Variants in MT1F observed in about 807,000 individuals in gnomAD.
The protein encoded by MT1F is metallothionein 1F, also known as metallothionein-1F.
In MT1F, 6 loss-of-function variants were observed where a neutral mutation model predicts 5.4. The observed-to-expected ratio is 1.11, with a 90% CI of 0.61 to 2.19. MT1F has a LOEUF of 2.19. Among genes scored for constraint, MT1F ranks in the 30% most tolerant of loss-of-function variants. The pLI, the probability that MT1F is intolerant of heterozygous loss-of-function variation, is 0.00. For synonymous variants in MT1F, 28 were observed against 28.3 expected (o/e 0.99, Z 0.04); for missense variants, 82 against 77.0 (o/e 1.07, Z -0.24).
rs764665210 is a variant in MT1F at position 56,658,096 on chromosome 16, G to A, written c.28+10G>A. Reference sequence around the variant, plus strand: ...TGCTCCTGCGCCGCTGGTAAGGAACGCCGGGTTCCGTGCCTGGGGATGCTC... The same window carrying A: ...TGCTCCTGCGCCGCTGGTAAGGAACACCGGGTTCCGTGCCTGGGGATGCTC... On this transcript the variant is annotated intron_variant, in intron 1 of 2. Coordinates refer to ENST00000334350, the MANE Select transcript of MT1F (RefSeq NM_005949.4). 2.5e-6 allele frequency: 4 copies of A among 1,613,958 alleles called. No individual in the cohort carries two copies. In the African/African-American group the frequency reaches 5.3e-5, roughly 22 times the overall value.
rs1453535188 is a variant in MT1F, at chr16:56,658,553, G to C, written c.29-122G>C. On this transcript the variant is annotated intron_variant, in intron 1 of 2. Transcript: ENST00000334350. ...GGGCTTCTCTTCCTCTGCTCTGAGT[G>C]GGAAAGGAGCTCTGAGGGCTGGCCC... is the stretch of plus-strand genomic sequence containing the variant. 4.1e-6 allele frequency: 4 copies of C among 982,988 alleles called. No individual in the cohort carries two copies. In the East Asian group the frequency reaches 9.9e-5, roughly 24 times the overall value. The allele number at this position is 982,988 out of a possible 1,614,324, so 60.9% of individuals were successfully genotyped here.
chr16:56,658,945 C>G, intron 2 of MT1F, 128 bp from the exon 3 acceptor site: 1 of 1,069,402 alleles, frequency 9.4e-7, no homozygotes, highest in Non-Finnish European at 1.4e-6. Flanking sequence ...CCAGTTGTCT[C>G]CTGACAAAGC....
At chr16:56,658,898 G>T (rs1960656547) in intron 2 of MT1F, 158 bp downstream of exon 2, 1 of 1,140,116 alleles carries the variant, frequency 8.8e-7, no homozygotes, top group South Asian at 1.3e-5. Context: ...GGGCGCCTGG[G>T]CAGCTTTCTC....
At position 56,658,849 on chromosome 16, in the gene MT1F, G is replaced by A. The variant is rs752491870; in HGVS notation, c.94+109G>A. 40 of 1,419,562 alleles carry A rather than the reference G, an allele frequency of 2.8e-5. No individual in the cohort carries two copies. In the East Asian group the frequency reaches 3.2e-4, roughly 11 times the overall value. The allele number at this position is 1,419,562 out of a possible 1,614,324, so 87.9% of individuals were successfully genotyped here. A position where few individuals can be genotyped will look rare whatever the true frequency, so the allele number is the denominator to read the frequency against. On this transcript the variant is annotated intron_variant, in intron 2 of 2. Transcript: ENST00000334350. ...GGGGAACTGGCCTTCCTTTGTCCCC[G>A]TAGGTTGTCACTGCCTTTCTAGTCT...
chr16:56,659,238 T>C lies in MT1F; in HGVS notation c.*74T>C, dbSNP rs1960663129. 2 of 1,402,296 alleles carry C rather than the reference T, an allele frequency of 1.4e-6. No homozygotes were observed. The highest frequency in any genetic ancestry group is 2.0e-6 in the Non-Finnish European group (2 of 996,258). 86.9% of individuals were successfully genotyped at this position (1,402,296 alleles called of 1,614,324 possible). On this transcript the variant is annotated 3_prime_UTR_variant, in exon 3 of 3. Coordinates refer to ENST00000334350, the MANE Select transcript of MT1F (RefSeq NM_005949.4). ...CCTGGATTTTTTTTTTATACCACCT[T>C]GACCCATTTGCTACATTCCTTTTCC...
chr16:56,658,849 G>C, intron 2 of MT1F, 109 bp downstream of exon 2: 1 of 1,419,682 alleles, frequency 7.0e-7, no homozygotes, highest in South Asian at 1.2e-5. Context: ...CTTTGTCCCC[G>C]TAGGTTGTCA....
At chr16:56,658,182 A>G (rs1256311379) in intron 1 of MT1F, 96 bp downstream of exon 1, 5 of 1,363,644 alleles carry the variant, frequency 3.7e-6, no homozygotes, top group Non-Finnish European at 5.2e-6. Flanking sequence ...TGAGATCTCA[A>G]CTGTAGGGGA....
At chr16:56,658,945 C>A in intron 2 of MT1F, 128 bp from the exon 3 acceptor site, 2 of 1,069,402 alleles carry the variant, frequency 1.9e-6, no homozygotes, top group Non-Finnish European at 2.9e-6. Context: ...CCAGTTGTCT[C>A]CTGACAAAGC....
chr16:56,658,121 C>G (rs1462158988), intron 1 of MT1F, 35 bp downstream of exon 1: 2 of 1,612,200 alleles, frequency 1.2e-6, no homozygotes, highest in Non-Finnish European at 1.7e-6. Flanking sequence ...TGGGGATGCT[C>G]GATTCCCAGA....
At chr16:56,658,897 G>C in intron 2 of MT1F, 157 bp downstream of exon 2, 1 of 1,142,556 alleles carries the variant, frequency 8.8e-7, no homozygotes, top group Non-Finnish European at 1.3e-6. Context: ...AGGGCGCCTG[G>C]GCAGCTTTCT....
At position 56,657,992 on chromosome 16, in the gene MT1F, C is replaced by G; in HGVS notation, c.-67C>G. The G allele has an allele frequency of 8.4e-6, 13 of 1,550,672 alleles. No homozygotes were observed. The South Asian group carries it at 1.5e-4, about 17-fold the overall frequency. ...AGCGGCCGGCTGTTGGGGTCCACCA[C>G]GCCTTCCACCTGCCCCACTGCTTCT... On this transcript the variant is annotated 5_prime_UTR_variant, in exon 1 of 3. Coordinates refer to ENST00000334350, the MANE Select transcript of MT1F (RefSeq NM_005949.4).
chr16:56,658,043 C>A lies in MT1F; in HGVS notation c.-16C>A. ...TCGCTTCTCTCTTGGAAAGTCCAGT[C>A]TCTCCTCGGCTTGCAATGGACCCCA... On this transcript the variant is annotated 5_prime_UTR_variant, in exon 1 of 3. Transcript: ENST00000334350. The A allele has an allele frequency of 6.2e-7, 1 of 1,614,056 alleles. No individual in the cohort carries two copies. The highest frequency in any genetic ancestry group is 2.2e-5 in the East Asian group (1 of 44,868).
At position 56,659,168 on chromosome 16, in the gene MT1F, C is replaced by T. The variant is rs759234609; in HGVS notation, c.*4C>T. 1 of 1,613,914 alleles carries T rather than the reference C, an allele frequency of 6.2e-7. No individual in the cohort carries two copies. Among genetic ancestry groups the T allele is most frequent in the East Asian group, 2.2e-5 (1 of 44,876 alleles). On this transcript the variant is annotated 3_prime_UTR_variant, in exon 3 of 3. Coordinates refer to ENST00000334350, the MANE Select transcript of MT1F (RefSeq NM_005949.4). ...GAAGTGCAGCTGCTGCGACTGATGC[C>T]AGGACAACCTTTCTCCCAGATGTAA...
rs1960653640 is a variant in MT1F, at chr16:56,658,745, G to A, written c.94+5G>A. The A allele has an allele frequency of 6.2e-7, 1 of 1,614,234 alleles. No individual in the cohort carries two copies. The highest frequency in any genetic ancestry group is 1.3e-5 in the African/African-American group (1 of 75,072). Reference sequence around the variant, plus strand: ...AATGCACCTCCTGCAAGAAGAGTGAGTGTGAGGCCATCTCCATGGTCTGGG... The same window carrying A: ...AATGCACCTCCTGCAAGAAGAGTGAATGTGAGGCCATCTCCATGGTCTGGG... On this transcript the variant is annotated splice_donor_5th_base_variant and intron_variant, in intron 2 of 2. Transcript: ENST00000334350.
chr16:56,658,919 C>A, intron 2 of MT1F, 154 bp from the exon 3 acceptor site: 1 of 1,047,988 alleles, frequency 9.5e-7, no homozygotes, highest in Non-Finnish European at 1.5e-6. Flanking sequence ...ATAGGAAGAC[C>A]CACCCCAGAT....
At position 56,658,677 on chromosome 16, in the gene MT1F, G is replaced by A; in HGVS notation, c.31G>A (p.Val11Ile). The change falls in exon 2 of 3, where the codon GTC becomes ATC. Residue 11 changes from valine (V) to isoleucine (I), a missense_variant and splice_region_variant. Coordinates refer to ENST00000334350, the MANE Select transcript of MT1F (RefSeq NM_005949.4). MDPNCSCAAG[V>I]SCTCAGSCKC... Reference sequence around the variant, plus strand: ...GCTTTTTTTTCTCTTTCTCGCAGGTGTCTCCTGCACCTGCGCTGGTTCCTG... The same window carrying A: ...GCTTTTTTTTCTCTTTCTCGCAGGTATCTCCTGCACCTGCGCTGGTTCCTG... 6.2e-7 allele frequency: 1 copy of A among 1,614,154 alleles called. No homozygotes were observed. The highest frequency in any genetic ancestry group is 2.2e-5 in the East Asian group (1 of 44,872).
rs1276422799 is a variant in MT1F, at chr16:56,658,665, T to G, written c.29-10T>G. ...CGCCGCTCACTGGCTTTTTTTTCTC[T>G]TTCTCGCAGGTGTCTCCTGCACCTG... On this transcript the variant is annotated splice_polypyrimidine_tract_variant and intron_variant, in intron 1 of 2. Coordinates refer to ENST00000334350, the MANE Select transcript of MT1F (RefSeq NM_005949.4). 1 of 1,614,056 alleles carries G rather than the reference T, an allele frequency of 6.2e-7. No homozygotes were observed. Among genetic ancestry groups the G allele is most frequent in the Non-Finnish European group, 8.5e-7 (1 of 1,180,014 alleles).
At chr16:56,658,654 T>C (rs75978933) in intron 1 of MT1F, 21 bp from the exon 2 acceptor site, 1 of 1,613,298 alleles carries the variant, frequency 6.2e-7, no homozygotes, top group Non-Finnish European at 8.5e-7. Flanking sequence ...GCTCACTGGC[T>C]TTTTTTTCTC....
intron 2 of MT1F, 27 bp downstream of exon 2, chr16:56,658,767 T>G (rs1331793241): frequency 6.2e-7 from 1 of 1,613,918 alleles, no homozygotes; most frequent in Non-Finnish European, 8.5e-7. Context: ...CTCCATGGTC[T>G]GGGGCTGTGG....
Sources: gnomAD v4.1 joint callset for allele counts on GRCh38, gnomAD v4.1.1 for gene constraint, MANE v1.5 for transcripts, NCBI Gene and HGNC (gene_info 2026-07-23, HGNC 2026-07-21) for gene names.